The following AGBL4 variants were observed in gnomAD, a reference collection of about 807,000 sequenced individuals.
AGBL4 encodes the protein AGBL carboxypeptidase 4, also known as cytosolic carboxypeptidase 6.
AGBL4 carries 58 observed loss-of-function variants against 66.4 expected under a neutral mutation model. The ratio of observed to expected loss-of-function variants is 0.87; its 90% confidence interval spans 0.71 to 1.09. The LOEUF is 1.09. Among genes scored for constraint, AGBL4 ranks in the 50% least tolerant of loss-of-function variants. AGBL4 has a pLI of 0.00. For missense variants in AGBL4, 579 were observed against 631.0 expected, an observed-to-expected ratio of 0.92 and a Z score of 0.88; for synonymous variants, 234 against 222.9, an observed-to-expected ratio of 1.05 and a Z score of -0.44.
intron 3 of AGBL4, among the ~76,000 whole-genome samples, chr1:49,637,933 G>GA (rs933606093): frequency 1.3e-5 from 2 of 151,984 alleles, no homozygotes; most frequent in African/African-American, 4.8e-5. Flanking sequence ...ATAAGCACAT[G>GA]AAAAAAATAT....
intron 6 of AGBL4, among the ~76,000 whole-genome samples, chr1:48,802,638 C>G (rs148476055): frequency 6.6e-6 from 1 of 152,236 alleles, no homozygotes; most frequent in Admixed American, 6.5e-5. Context: ...TTTCATTCTC[C>G]TAATAGCACT....
chr1:49,996,306 T>G (rs998370825), intron 1 of AGBL4: 4 of 152,072 alleles, frequency 2.6e-5, no homozygotes, highest in African/African-American at 7.2e-5. Flanking sequence ...CTTAATGAAA[T>G]TTTTTAAATA....
intron 2 of AGBL4, among the ~76,000 whole-genome samples, chr1:49,835,858 TG>T (rs1288798326): frequency 6.6e-6 from 1 of 152,196 alleles, no homozygotes; most frequent in Admixed American, 6.5e-5. Flanking sequence ...TATGAAATTC[TG>T]GGTTAAAAAT....
intron 2 of AGBL4, among the ~76,000 whole-genome samples, chr1:49,771,407 G>A (rs1260010799): frequency 6.6e-6 from 1 of 151,932 alleles, no homozygotes; most frequent in African/African-American, 2.4e-5. Context: ...ACTTGTTGTG[G>A]GATCTAACAT....
At chr1:48,734,830 A>G (rs1252327464) in intron 6 of AGBL4, among the ~76,000 whole-genome samples, 1 of 152,208 alleles carries the variant, frequency 6.6e-6, no homozygotes, top group African/African-American at 2.4e-5. Flanking sequence ...TTGTTCCTGG[A>G]CATATTTGTT....
chr1:48,596,970 T>G (rs1645003812), intron 9 of AGBL4, among the ~76,000 whole-genome samples: 2 of 152,126 alleles, frequency 1.3e-5, no homozygotes, highest in African/African-American at 2.4e-5. Flanking sequence ...CATCCTACAC[T>G]CTGGCCTTCT....
chr1:49,980,044 G>A (rs975797727), intron 1 of AGBL4, among the ~76,000 whole-genome samples: 5 of 151,536 alleles, frequency 3.3e-5, no homozygotes, highest in African/African-American at 9.7e-5. Flanking sequence ...TCTAACTTAC[G>A]GTAGGAATAC....
intron 6 of AGBL4, among the ~76,000 whole-genome samples, chr1:48,853,411 G>A (rs776722429): frequency 4.6e-5 from 7 of 152,204 alleles, no homozygotes; most frequent in Admixed American, 3.9e-4. Flanking sequence ...TGAAACTGCT[G>A]AGGTTTAGGG....
At chr1:49,632,316 C>G (rs1645586202) in intron 3 of AGBL4, among the ~76,000 whole-genome samples, 1 of 152,164 alleles carries the variant, frequency 6.6e-6, no homozygotes, top group Non-Finnish European at 1.5e-5. Context: ...TTTCTCACCA[C>G]TACCTCTGAA....
chr1:49,498,391 T>A (rs952886905), intron 3 of AGBL4, among the ~76,000 whole-genome samples: 1 of 151,876 alleles, frequency 6.6e-6, no homozygotes, highest in Non-Finnish European at 1.5e-5. Context: ...CTTCCAGTAC[T>A]ATGTTGAATA....
intron 3 of AGBL4, among the ~76,000 whole-genome samples, chr1:49,516,226 C>T (rs1175770989): frequency 6.6e-6 from 1 of 151,866 alleles, no homozygotes; most frequent in African/African-American, 2.4e-5. Flanking sequence ...ATAGGGAACA[C>T]AGGCAAATAC....
intron 6 of AGBL4, among the ~76,000 whole-genome samples, chr1:48,748,082 A>G (rs1651046289): frequency 6.6e-6 from 1 of 152,216 alleles, no homozygotes; most frequent in Non-Finnish European, 1.5e-5. Context: ...TGGCACACAG[A>G]AAGTACTAGA....
At chr1:49,030,839 G>GAAAAAAAAAAAAAAAA (rs1283244578) in intron 5 of AGBL4, among the ~76,000 whole-genome samples, 1 of 146,604 alleles carries the variant, frequency 6.8e-6, no homozygotes, top group South Asian at 2.2e-4. Context: ...AAAAAAAAAG[G>GAAAAAAAAAAAAAAAA]AAAAAAAGAA....
At chr1:49,691,837 T>G (rs972509768) in intron 3 of AGBL4, among the ~76,000 whole-genome samples, 3 of 152,142 alleles carry the variant, frequency 2.0e-5, no homozygotes, top group Non-Finnish European at 4.4e-5. Flanking sequence ...AGCTTGCATC[T>G]TTCTCCCTTG....
In AGBL4 at chr1:48,891,395, T is replaced by G. The variant is rs151217372; in HGVS notation, c.595-24165A>C. ...GACAAGAACCCAGTCCCAAATACCC[T>G]CTTCCAAAAACTTTCACTAAGCACG... On this transcript the variant is annotated intron_variant, in intron 5 of 13. Coordinates refer to ENST00000371839, the MANE Select transcript of AGBL4 (RefSeq NM_032785.4). Among the ~76,000 whole-genome samples, 894 of 152,156 alleles carry G rather than the reference T, an allele frequency of 5.9e-3. 13 individuals are homozygous for G. Among genetic ancestry groups the G allele is most frequent in the Middle Eastern group, 0.017 (5 of 294 alleles).
chr1:49,012,057 A>T (rs1442602997), intron 5 of AGBL4, among the ~76,000 whole-genome samples: 4 of 149,840 alleles, frequency 2.7e-5, no homozygotes, highest in Non-Finnish European at 5.9e-5. Flanking sequence ...AAAGCTACAT[A>T]AAAAAAAAGG....
At chr1:48,659,964 G>T (rs1442407459) in intron 7 of AGBL4, among the ~76,000 whole-genome samples, 1 of 152,252 alleles carries the variant, frequency 6.6e-6, no homozygotes, top group Non-Finnish European at 1.5e-5. Context: ...AGGAACTGCG[G>T]CATAAGGAGA....
intron 3 of AGBL4, among the ~76,000 whole-genome samples, chr1:49,498,477 G>C (rs1647817494): frequency 6.6e-6 from 1 of 151,476 alleles, no homozygotes; most frequent in Non-Finnish European, 1.5e-5. Context: ...ATGTCCTCCA[G>C]GTCCATCCAG....
intron 1 of AGBL4, among the ~76,000 whole-genome samples, chr1:49,979,554 T>C (rs1012760794): frequency 1.3e-5 from 2 of 152,110 alleles, no homozygotes; most frequent in African/African-American, 4.8e-5. Context: ...AAATGCAGTG[T>C]TAAATCATAA....
Sources: allele counts gnomAD v4.1 joint callset (sites outside exome capture counted in the v4.1 genomes callset), GRCh38; gene constraint gnomAD v4.1.1; transcripts MANE v1.5; gene names NCBI Gene and HGNC (gene_info 2026-07-23, HGNC 2026-07-21).